Variants in ADAM15 observed in about 807,000 individuals in gnomAD.
The protein encoded by ADAM15 is disintegrin and metalloproteinase domain-containing protein 15.
ADAM15 carries 77 observed loss-of-function variants against 113.8 expected under a neutral mutation model. That is an observed-to-expected ratio of 0.68 (90% CI 0.56 to 0.82). The LOEUF is 0.82. Among genes scored for constraint, ADAM15 ranks in the 40% least tolerant of loss-of-function variants. The pLI, the probability that ADAM15 is intolerant of heterozygous loss-of-function variation, is 0.00. For synonymous variants in ADAM15, 388 were observed against 454.1 expected (o/e 0.85, Z 1.85); for missense variants, 963 against 1,120.1 (o/e 0.86, Z 2.00).
chr1:155,061,772 C>T, intron 20 of ADAM15, 132 bp from the exon 21 acceptor site: 1 of 1,073,442 alleles, frequency 9.3e-7, no homozygotes, highest in South Asian at 1.6e-5. Flanking sequence ...TCCAAGCCCT[C>T]TGCGCATGCC....
rs756392035 is a variant in ADAM15, at chr1:155,056,097, T to G, written c.762T>G (p.Asn254Lys). Residue 254 changes from asparagine to lysine, a missense_variant, in exon 9 of 23, where the codon AAT becomes AAG. Transcript: ENST00000356955. The surrounding 1 kb of genome is among the most constrained non-coding windows in gnomAD (Gnocchi z 4.0). ...TCTTTCAGTTCTTCCGGCCCCTGAA[T>G]GTACGAGTGGCACTAGTGGGCCTGG... ...LLLDTFFRPL[N>K]VRVALVGLEA... 1.2e-6 allele frequency: 2 copies of G among 1,613,494 alleles called. No individual in the cohort carries two copies. Among genetic ancestry groups the G allele is most frequent in the Non-Finnish European group, 1.7e-6 (2 of 1,180,040 alleles).
intron 18 of ADAM15, 50 bp from the exon 19 acceptor site, chr1:155,060,713 A>G (rs1188381906): frequency 6.3e-7 from 1 of 1,578,262 alleles, no homozygotes. Context: ...ATGGTAGAAA[A>G]CAGGGTCTGA....
chr1:155,062,691 G>A lies in ADAM15; in HGVS notation c.*189G>A. The A allele has an allele frequency of 2.6e-6, 2 of 771,980 alleles. No homozygotes were observed. The highest frequency in any genetic ancestry group is 3.7e-5 in the South Asian group (2 of 54,228). 47.8% of individuals were successfully genotyped at this position (771,980 alleles called of 1,614,324 possible). ...CGTAGTTGCAGCGGGGGCTTGGGGA[G>A]GGGCTGGGGGTTGGACGGGATTGAG... is the stretch of plus-strand genomic sequence containing the variant. On this transcript the variant is annotated 3_prime_UTR_variant, in exon 23 of 23. Coordinates refer to ENST00000356955, the MANE Select transcript of ADAM15 (RefSeq NM_207197.3). This position sits in a 1 kb window ranked among gnomAD's most constrained non-coding sequence, Gnocchi z 7.0.
At chr1:155,052,630 G>GATT in intron 1 of ADAM15, 41 bp from the exon 2 acceptor site, 1 of 1,567,708 alleles carries the variant, frequency 6.4e-7, no homozygotes, top group Non-Finnish European at 8.7e-7. Context: ...CCCTGCTGTC[G>GATT]ATTCCCTCAG....
In ADAM15 at chr1:155,057,334, G is replaced by A. The variant is rs762639620; in HGVS notation, c.1295G>A (p.Gly432Asp). Reference sequence around the variant, plus strand: ...TGCGGAAATATGTTTGTGGAGCCGGGCGAGCAGTGTGACTGTGGCTTCCTG... The same window carrying A: ...TGCGGAAATATGTTTGTGGAGCCGGACGAGCAGTGTGACTGTGGCTTCCTG... ...AFCGNMFVEP[G>D]EQCDCGFLDD... The change falls in exon 12 of 23, where the codon GGC (glycine) becomes GAC (aspartate). Residue 432 changes from glycine to aspartate, a missense_variant. By Grantham distance (94) the Gly-to-Asp change is moderately conservative. Coordinates refer to ENST00000356955, the MANE Select transcript of ADAM15 (RefSeq NM_207197.3). This position sits in a 1 kb window ranked among gnomAD's most constrained non-coding sequence, Gnocchi z 5.0. The A allele has an allele frequency of 1.1e-5, 17 of 1,614,068 alleles. No homozygotes were observed. The African/African-American group carries it at 2.0e-4, about 19-fold the overall frequency.
At chr1:155,053,210 G>C (rs750335553) in intron 2 of ADAM15, among the ~76,000 whole-genome samples, 28 of 151,472 alleles carry the variant, frequency 1.8e-4, no homozygotes, top group Non-Finnish European at 3.2e-4. Flanking sequence ...GCCGAGAAGG[G>C]GTGGCTCAGA....
At position 155,053,945 on chromosome 1, in the gene ADAM15, A is replaced by C; in HGVS notation, c.299A>C (p.Tyr100Ser). Residue 100 changes from tyrosine (Y) to serine (S), a missense_variant, in exon 4 of 23, where the codon TAC (tyrosine) becomes TCC (serine). Tyr to Ser is a moderately radical substitution (Grantham distance 144). Coordinates refer to ENST00000356955, the MANE Select transcript of ADAM15 (RefSeq NM_207197.3). ...CCAGGCCGCCCAACCCTGGTGTGGT[A>C]CCAGCCCGATGGCACTCGGGTGGTC... ...LVPGRPTLVW[Y>S]QPDGTRVVSE... 6.2e-7 allele frequency: 1 copy of C among 1,614,146 alleles called. No individual in the cohort carries two copies. The highest frequency in any genetic ancestry group is 8.5e-7 in the Non-Finnish European group (1 of 1,180,030).
At chr1:155,061,381 C>A (rs191626133) in intron 19 of ADAM15, 34 bp from the exon 20 acceptor site, 1 of 1,592,994 alleles carries the variant, frequency 6.3e-7, no homozygotes, top group African/African-American at 1.3e-5. Flanking sequence ...TCCTCTTCCC[C>A]CTCTGTGCCT....
intron 18 of ADAM15, 49 bp downstream of exon 18, chr1:155,060,392 C>T: frequency 6.2e-7 from 1 of 1,602,052 alleles, no homozygotes; most frequent in Non-Finnish European, 8.5e-7. Flanking sequence ...GGGGACAGTG[C>T]TGAAGGCTGC....
At position 155,057,002 on chromosome 1, in the gene ADAM15, TG is replaced by T; in HGVS notation, c.1052del (p.Gly351AlafsTer38). 6.2e-7 allele frequency: 1 copy of T among 1,604,966 alleles called. No individual in the cohort carries two copies. Among genetic ancestry groups the T allele is most frequent in the Non-Finnish European group, 8.5e-7 (1 of 1,175,172 alleles). On this transcript the variant is annotated frameshift_variant, in exon 11 of 23. Transcript: ENST00000356955. LOFTEE classifies it high-confidence loss of function. This position sits in a 1 kb window ranked among gnomAD's most constrained non-coding sequence, Gnocchi z 5.0. ...LGVASSIAHE[L>X]GHSLGLDHDL... ...GTCGCCTCCTCCATAGCCCATGAGTTGGGCCACAGCCTGGGCCTGGACCATG... is the reference window on the plus strand; with the variant it reads ...GTCGCCTCCTCCATAGCCCATGAGTTGGCCACAGCCTGGGCCTGGACCATG...
chr1:155,059,914 A>G lies in ADAM15; in HGVS notation c.2008A>G (p.Asn670Asp), dbSNP rs1662336342. 6.2e-7 allele frequency: 1 copy of G among 1,614,056 alleles called. No individual in the cohort carries two copies. The highest frequency in any genetic ancestry group is 8.5e-7 in the Non-Finnish European group (1 of 1,179,940). ...TTGTACCTCCTAGGTCTGTGACAGC[A>G]ACAGGCACTGCTACTGTGAGGAGGG... ...KCHGHGVCDS[N>D]RHCYCEEGWA... Residue 670 changes from asparagine (N) to aspartate (D), a missense_variant, in exon 17 of 23, where the codon AAC becomes GAC. Physicochemically the swap from Asn to Asp is conservative, Grantham distance 23. Coordinates refer to ENST00000356955, the MANE Select transcript of ADAM15 (RefSeq NM_207197.3).
At position 155,053,952 on chromosome 1, in the gene ADAM15, C is replaced by G. The variant is rs764982427; in HGVS notation, c.306C>G (p.Pro102=). ...PGRPTLVWYQ[P]DGTRVVSEGH... is the part of the protein sequence containing the mutation. ...GCCCAACCCTGGTGTGGTACCAGCC[C>G]GATGGCACTCGGGTGGTCAGTGAGG... Residue 102 remains proline, a synonymous_variant, in exon 4 of 23, where the codon CCC becomes CCG. Transcript: ENST00000356955. 7.4e-6 allele frequency: 12 copies of G among 1,614,166 alleles called. No homozygotes were observed. Among genetic ancestry groups the G allele is most frequent in the Non-Finnish European group, 1.0e-5 (12 of 1,180,024 alleles).
chr1:155,056,863 C>A lies in ADAM15; in HGVS notation c.1000-90C>A. On this transcript the variant is annotated intron_variant, in intron 10 of 22. Coordinates refer to ENST00000356955, the MANE Select transcript of ADAM15 (RefSeq NM_207197.3). This position sits in a 1 kb window ranked among gnomAD's most constrained non-coding sequence, Gnocchi z 4.0. ...CCTGCTGAGTGCCCACGAGGTCAGA[C>A]GTGGAGGGAACAGGAGCAGAGAGGG... 5 of 1,494,958 alleles carry A rather than the reference C, an allele frequency of 3.3e-6. No individual in the cohort carries two copies. Among genetic ancestry groups the A allele is most frequent in the Non-Finnish European group, 4.5e-6 (5 of 1,117,390 alleles). 92.6% of individuals were successfully genotyped at this position (1,494,958 alleles called of 1,614,324 possible).
chr1:155,053,785 G>A (rs540893879), intron 3 of ADAM15, 125 bp from the exon 4 acceptor site: 6 of 1,100,494 alleles, frequency 5.5e-6, no homozygotes, highest in East Asian at 4.8e-5. Flanking sequence ...CCGGGGTCAG[G>A]AGTGGAAAAG....
chr1:155,054,210 A>G lies in ADAM15; in HGVS notation c.403A>G (p.Thr135Ala). ...TGCAGGCTCCTGGGTGTCCATCTGC[A>G]CCTGCTCTGGGCTCAGGTATACTGG... The part of the protein sequence containing the change: ...GYAGSWVSIC[T>A]CSGLRGLVVL... Residue 135 changes from threonine to alanine, a missense_variant, in exon 5 of 23, where the codon ACC becomes GCC. Physicochemically the swap from Thr to Ala is moderately conservative, Grantham distance 58. Coordinates refer to ENST00000356955, the MANE Select transcript of ADAM15 (RefSeq NM_207197.3). 1 of 1,605,778 alleles carries G rather than the reference A, an allele frequency of 6.2e-7. No individual in the cohort carries two copies. The highest frequency in any genetic ancestry group is 8.5e-7 in the Non-Finnish European group (1 of 1,177,616).
intron 7 of ADAM15, 33 bp downstream of exon 7, chr1:155,055,885 C>A: frequency 3.1e-6 from 5 of 1,614,190 alleles, no homozygotes; most frequent in Non-Finnish European, 4.2e-6. Context: ...ATCCTCCTCC[C>A]CCTGCACTGC....
At chr1:155,060,895 G>A (rs1480562788) in intron 19 of ADAM15, 63 bp downstream of exon 19, 9 of 1,492,664 alleles carry the variant, frequency 6.0e-6, no homozygotes, top group Non-Finnish European at 8.3e-6. Flanking sequence ...TTGGGCCCTG[G>A]GGGGTGCGCA....
intron 19 of ADAM15, 51 bp from the exon 20 acceptor site, chr1:155,061,364 C>G: frequency 6.5e-7 from 1 of 1,543,180 alleles, no homozygotes; most frequent in Non-Finnish European, 8.9e-7. Context: ...CACTCTGTCT[C>G]TCTGCTTCCT....
chr1:155,060,197 G>A lies in ADAM15; in HGVS notation c.2069-8G>A, dbSNP rs374451261. 74 of 1,613,226 alleles carry A rather than the reference G, an allele frequency of 4.6e-5. No homozygotes were observed. The highest frequency in any genetic ancestry group is 5.4e-5 in the Non-Finnish European group (64 of 1,179,596). Reference sequence around the variant, plus strand: ...CCGTCCTCCCTTAAACCTGACTTCCGCCCACAGCAACCAGCTCCCTGACCA... The same window carrying A: ...CCGTCCTCCCTTAAACCTGACTTCCACCCACAGCAACCAGCTCCCTGACCA... On this transcript the variant is annotated splice_polypyrimidine_tract_variant and splice_region_variant and intron_variant, in intron 17 of 22. Transcript: ENST00000356955.
Sources: allele counts gnomAD v4.1 joint callset (sites outside exome capture counted in the v4.1 genomes callset), GRCh38; gene constraint gnomAD v4.1.1; non-coding constraint Gnocchi (gnomAD v3.1); transcripts MANE v1.5; gene names NCBI Gene and HGNC (gene_info 2026-07-23, HGNC 2026-07-21).